The following MIPEP variants were observed in gnomAD, a reference collection of about 807,000 sequenced individuals.
The protein encoded by MIPEP is mitochondrial intermediate peptidase.
Under a neutral mutation model 90.3 loss-of-function variants are expected in MIPEP, and 79 were observed. That is an observed-to-expected ratio of 0.87 (90% CI 0.73 to 1.05). The LOEUF is 1.05. Ranked by LOEUF, MIPEP falls within the 50% of genes least tolerant of loss-of-function variation. The probability of loss-of-function intolerance (pLI) is 0.00; values close to 1 mark genes in which losing one functional copy is unlikely to be tolerated. For missense variants in MIPEP, 940 were observed against 905.6 expected, an observed-to-expected ratio of 1.04 and a Z score of -0.49; for synonymous variants, 334 against 315.8, an observed-to-expected ratio of 1.06 and a Z score of -0.61.
At chr13:23,860,854 A>C (rs140675294) in intron 9 of MIPEP, among the ~76,000 whole-genome samples, 142,910 of 152,124 alleles carry the variant, frequency 0.94, 67,159 homozygotes, top group East Asian at 1. Flanking sequence ...GATTGGGATC[A>C]TAGCCCAGGC....
intron 18 of MIPEP, among the ~76,000 whole-genome samples, chr13:23,747,081 CAA>C (rs956140813): frequency 6.6e-6 from 1 of 152,166 alleles, no homozygotes; most frequent in African/African-American, 2.4e-5. Context: ...GCTCTGGAGG[CAA>C]AAGAGTGTGA....
intron 1 of MIPEP, among the ~76,000 whole-genome samples, chr13:23,887,801 A>T (rs1318223781): frequency 2.6e-5 from 4 of 152,250 alleles, no homozygotes; most frequent in African/African-American, 9.6e-5. Flanking sequence ...GGATGGATGA[A>T]GTTAAGCTAG....
Position 23,837,559 on chromosome 13 carries a change from G to T in MIPEP, c.1536C>A (p.His512Gln). The change falls in exon 13 of 19, where the codon CAC (histidine) becomes CAA (glutamine). Residue 512 changes from histidine to glutamine, a missense_variant. Coordinates refer to ENST00000382172, the MANE Select transcript of MIPEP (RefSeq NM_005932.4). ...GCCCTCCTCATGGCTCACCAGTGAC[G>T]TGTTGGTAACGAGTACGTCCTAGCA... ...HSMLGRTRYQ[H>Q]VTGTRCPTDF... The T allele has an allele frequency of 6.2e-7, 1 of 1,609,014 alleles. No homozygotes were observed. Among genetic ancestry groups the T allele is most frequent in the Non-Finnish European group, 8.5e-7 (1 of 1,175,540 alleles).
At chr13:23,886,286 A>G (rs889062739) in intron 2 of MIPEP, 47 bp downstream of exon 2, 24 of 1,353,148 alleles carry the variant, frequency 1.8e-5, no homozygotes, top group Non-Finnish European at 2.3e-5. Context: ...TTAAATTTTA[A>G]CAAGTTGAAA....
At chr13:23,832,427 T>C (rs1185731259) in intron 14 of MIPEP, among the ~76,000 whole-genome samples, 4 of 152,084 alleles carry the variant, frequency 2.6e-5, no homozygotes, top group Non-Finnish European at 5.9e-5. Flanking sequence ...CAGACTAATA[T>C]AGCTATTAAA....
At position 23,749,170 on chromosome 13, in the gene MIPEP, G is replaced by A. The variant is rs555959733; in HGVS notation, c.2044+7375C>T. Among the ~76,000 whole-genome samples the A allele has an allele frequency of 7.9e-5, 12 of 152,288 alleles. No homozygotes were observed. The South Asian group carries it at 2.5e-3, about 32-fold the overall frequency. ...TCTGTGTATACCTTTTGACAACAGGGAAATTAATCAAGCTATTGCTGAACA... is the reference window on the plus strand; with the variant it reads ...TCTGTGTATACCTTTTGACAACAGGAAAATTAATCAAGCTATTGCTGAACA... On this transcript the variant is annotated intron_variant, in intron 18 of 18. Coordinates refer to ENST00000382172, the MANE Select transcript of MIPEP (RefSeq NM_005932.4).
rs748355727 is a variant in MIPEP at position 23,874,830 on chromosome 13, C to T, written c.603+16G>A. 80 of 1,574,630 alleles carry T rather than the reference C, an allele frequency of 5.1e-5. 1 individual carries two copies. The South Asian group carries it at 8.6e-4, about 17-fold the overall frequency. On this transcript the variant is annotated intron_variant, in intron 5 of 18. Coordinates refer to ENST00000382172, the MANE Select transcript of MIPEP (RefSeq NM_005932.4). ...AGTAAAACTGGAAGAGTCAAAAAAA[C>T]AGCAGAAAGATGTACCTTTTCTTTG...
intron 18 of MIPEP, among the ~76,000 whole-genome samples, chr13:23,737,164 C>A (rs895836021): frequency 6.6e-6 from 1 of 152,228 alleles, no homozygotes; most frequent in Non-Finnish European, 1.5e-5. Context: ...CAAGCAGTCA[C>A]GACTGTGCCC....
chr13:23,771,805 C>T (rs1952654721), intron 16 of MIPEP, among the ~76,000 whole-genome samples: 2 of 152,116 alleles, frequency 1.3e-5, no homozygotes, highest in Admixed American at 1.3e-4. Context: ...ATTCACTCAA[C>T]TTCCTTGGTT....
chr13:23,747,986 G>A (rs1185207760), intron 18 of MIPEP, among the ~76,000 whole-genome samples: 5 of 152,062 alleles, frequency 3.3e-5, no homozygotes, highest in African/African-American at 9.7e-5. Flanking sequence ...TGATCAGCCC[G>A]CCTCGGCTTC....
chr13:23,888,620 A>C, intron 1 of MIPEP: 13 of 758,622 alleles, frequency 1.7e-5, no homozygotes, highest in African/African-American at 1.9e-5. Context: ...AAGAAAGCCC[A>C]AAGCTTTGAA....
chr13:23,885,449 T>C (rs912727023), intron 2 of MIPEP, among the ~76,000 whole-genome samples: 4 of 152,142 alleles, frequency 2.6e-5, no homozygotes, highest in Admixed American at 2.0e-4. Context: ...AAGAGTATAA[T>C]TGGATTGTTT....
chr13:23,839,642 G>A lies in MIPEP; in HGVS notation c.1338+7C>T. 1 of 1,604,934 alleles carries A rather than the reference G, an allele frequency of 6.2e-7. No homozygotes were observed. On this transcript the variant is annotated splice_region_variant and intron_variant, in intron 12 of 18. Transcript: ENST00000382172. ...CTAGAGAGACCAGTTTATAAAGAAA[G>A]GATCACCTGATGTGGTTTGTCTGCT...
intron 18 of MIPEP, among the ~76,000 whole-genome samples, chr13:23,755,691 T>C (rs889631214): frequency 1.2e-4 from 18 of 152,194 alleles, no homozygotes; most frequent in African/African-American, 3.9e-4. Context: ...TGAAAAATCA[T>C]GATGATCACT....
intron 16 of MIPEP, among the ~76,000 whole-genome samples, chr13:23,782,358 G>A (rs572605942): frequency 1.3e-5 from 2 of 152,240 alleles, no homozygotes; most frequent in South Asian, 2.1e-4. Context: ...AACGACCACC[G>A]GGTACATGAC....
chr13:23,816,987 G>A (rs1287894399), intron 14 of MIPEP, among the ~76,000 whole-genome samples: 2 of 152,156 alleles, frequency 1.3e-5, no homozygotes, highest in Admixed American at 6.6e-5. Flanking sequence ...TGCCACAGGT[G>A]AGCCATCTGT....
At chr13:23,835,165 C>A (rs1425217273) in intron 14 of MIPEP, among the ~76,000 whole-genome samples, 1 of 151,882 alleles carries the variant, frequency 6.6e-6, no homozygotes, top group East Asian at 1.9e-4. Flanking sequence ...TGACTACAGG[C>A]ATGTGCCACT....
At chr13:23,776,703 G>C (rs1952720929) in intron 16 of MIPEP, among the ~76,000 whole-genome samples, 1 of 152,036 alleles carries the variant, frequency 6.6e-6, no homozygotes, top group Admixed American at 6.6e-5. Context: ...ACTTGGGAAA[G>C]AAAGTAGAAT....
intron 16 of MIPEP, among the ~76,000 whole-genome samples, chr13:23,786,721 C>T (rs1166533460): frequency 6.6e-6 from 1 of 151,978 alleles, no homozygotes; most frequent in African/African-American, 2.4e-5. Context: ...ATTTGTGGAG[C>T]ATCAGATTGG....
Sources: allele counts gnomAD v4.1 joint callset (sites outside exome capture counted in the v4.1 genomes callset), GRCh38; gene constraint gnomAD v4.1.1; transcripts MANE v1.5; gene names NCBI Gene and HGNC (gene_info 2026-07-23, HGNC 2026-07-21).